Variants in SMC3 observed in about 807,000 individuals in gnomAD.
SMC3 encodes structural maintenance of chromosomes 3.
In SMC3, 20 loss-of-function variants were observed where a neutral mutation model predicts 171.8. The ratio of observed to expected loss-of-function variants is 0.12; its 90% CI spans 0.08 to 0.17. The LOEUF (loss-of-function observed/expected upper bound fraction) is 0.17. SMC3 is among the 10% of genes least tolerant of loss of function. The probability of loss-of-function intolerance (pLI) is 1.00; values close to 1 mark genes in which losing one functional copy is unlikely to be tolerated. For missense variants in SMC3, 543 were observed against 1,420.4 expected (o/e 0.38, Z 9.93); for synonymous variants, 464 against 451.1 (o/e 1.03, Z -0.36).
At chr10:110,596,862 G>GA (rs2134745859) in intron 19 of SMC3, among the ~76,000 whole-genome samples, 1 of 145,694 alleles carries the variant, frequency 6.9e-6, no homozygotes, top group Non-Finnish European at 1.5e-5. Flanking sequence ...AACCTTGGTA[G>GA]TTTTTTTTTT....
At chr10:110,593,630 A>G (rs1245866346) in intron 18 of SMC3, among the ~76,000 whole-genome samples, 1 of 152,048 alleles carries the variant, frequency 6.6e-6, no homozygotes, top group African/African-American at 2.4e-5. Flanking sequence ...TGCATGTCTG[A>G]TTAATATATC....
At chr10:110,577,523 A>G in intron 5 of SMC3, 31 bp downstream of exon 5, 1 of 1,442,878 alleles carries the variant, frequency 6.9e-7, no homozygotes, top group African/African-American at 1.4e-5. Context: ...AGTAATGTTG[A>G]GAATTTAATT....
chr10:110,575,757 G>C (rs1372613974), intron 4 of SMC3, among the ~76,000 whole-genome samples: 2 of 152,116 alleles, frequency 1.3e-5, no homozygotes, highest in African/African-American at 4.8e-5. Flanking sequence ...TTATGTGATG[G>C]TTAGGAGAAA....
intron 20 of SMC3, among the ~76,000 whole-genome samples, chr10:110,599,303 G>C (rs1861350702): frequency 1.3e-5 from 2 of 152,030 alleles, no homozygotes; most frequent in South Asian, 2.1e-4. Flanking sequence ...CACCATGTTG[G>C]CCAGGCTCGT....
intron 21 of SMC3, 128 bp from the exon 22 acceptor site, chr10:110,600,311 G>T: frequency 1.5e-6 from 1 of 659,840 alleles, no homozygotes; most frequent in East Asian, 2.6e-5. Flanking sequence ...GGGCTTTTTT[G>T]AAGAATATAA....
intron 15 of SMC3, 35 bp downstream of exon 15, chr10:110,590,026 T>G (rs956724258): frequency 6.5e-7 from 1 of 1,529,698 alleles, no homozygotes; most frequent in Non-Finnish European, 9.1e-7. Flanking sequence ...CTGTTTACAC[T>G]GAGTCATTGA....
chr10:110,568,015 G>T (rs529330484), intron 1 of SMC3, among the ~76,000 whole-genome samples, 184 bp downstream of exon 1: 2 of 152,362 alleles, frequency 1.3e-5, no homozygotes, highest in South Asian at 4.1e-4. Context: ...GGGTCGCGGA[G>T]AATTGGGGCA....
chr10:110,587,133 A>G (rs544870586), intron 13 of SMC3, among the ~76,000 whole-genome samples: 5 of 152,286 alleles, frequency 3.3e-5, no homozygotes, highest in Admixed American at 1.3e-4. Context: ...AGACTTTTCT[A>G]ACTTATGTCA....
At chr10:110,575,937 A>G (rs988375054) in intron 4 of SMC3, among the ~76,000 whole-genome samples, 3 of 152,314 alleles carry the variant, frequency 2.0e-5, no homozygotes, top group South Asian at 2.1e-4. Flanking sequence ...TAGAGAAACA[A>G]CCATTGCAAA....
intron 10 of SMC3, 94 bp from the exon 11 acceptor site, chr10:110,583,290 A>G (rs1861060014): frequency 1.5e-5 from 15 of 977,158 alleles, no homozygotes; most frequent in Non-Finnish European, 2.4e-5. Flanking sequence ...AGGACAGAGT[A>G]TTACTAAACA....
chr10:110,590,628 AAAC>A (rs1861192020), intron 16 of SMC3, 56 bp downstream of exon 16: 1 of 1,489,374 alleles, frequency 6.7e-7, no homozygotes, highest in African/African-American at 1.4e-5. Flanking sequence ...AGAATAGCTT[AAAC>A]AACTTTTGTA....
rs943490030 is a variant in SMC3 at position 110,586,220 on chromosome 10, TAAAG to T, written c.1305+1828_1305+1831del. ...TTTGTACTCATATTCTCACTTTACA[TAAAG>T]AAAAAAATATATAGTGGGGAGAAAA... On this transcript the variant is annotated intron_variant, in intron 13 of 28. Transcript: ENST00000361804. 2.6e-5 allele frequency among the ~76,000 whole-genome samples: 4 copies of T among 152,088 alleles called. No homozygotes were observed. The South Asian group carries it at 6.2e-4, about 24-fold the overall frequency.
At chr10:110,592,847 CTT>C (rs1861229764) in intron 17 of SMC3, among the ~76,000 whole-genome samples, 1 of 152,170 alleles carries the variant, frequency 6.6e-6, no homozygotes. Context: ...CCACTAAACT[CTT>C]TAGCACTATT....
intron 15 of SMC3, 52 bp downstream of exon 15, chr10:110,590,043 C>T (rs187009599): frequency 3.4e-6 from 5 of 1,486,062 alleles, no homozygotes; most frequent in Admixed American, 1.7e-5. Context: ...TTGAGTTAAT[C>T]GTTATGTAAT....
chr10:110,579,566 C>A (rs2134721488), intron 7 of SMC3, among the ~76,000 whole-genome samples: 1 of 152,236 alleles, frequency 6.6e-6, no homozygotes, highest in Middle Eastern at 3.4e-3. Context: ...TTTCCTTAAT[C>A]TGTTTTATTT....
In SMC3 at chr10:110,600,472, T is replaced by C; in HGVS notation, c.2461T>C (p.Leu821=). 1 of 1,590,348 alleles carries C rather than the reference T, an allele frequency of 6.3e-7. No homozygotes were observed. Among genetic ancestry groups the C allele is most frequent in the South Asian group, 1.1e-5 (1 of 90,606 alleles). Residue 821 remains leucine (L), a synonymous_variant, in exon 22 of 29, where the codon TTA becomes CTA. Coordinates refer to ENST00000361804, the MANE Select transcript of SMC3 (RefSeq NM_005445.4). The part of the protein sequence containing the change: ...NRQLLNERIK[L]EGIITRVETY... ...ACAGTTGCTAAATGAAAGAATTAAA[T>C]TAGAAGGTATTATTACTCGAGTAGA...
At chr10:110,570,354 T>G (rs1590547339) in intron 2 of SMC3, among the ~76,000 whole-genome samples, 1 of 152,356 alleles carries the variant, frequency 6.6e-6, no homozygotes, top group East Asian at 1.9e-4. Flanking sequence ...TTGTATAAAA[T>G]GATAAAATTG....
chr10:110,567,732 G>T lies in SMC3; in HGVS notation c.-85G>T. ...GGAGCGAGCGGCGCTTTGGGGGAGGGGTCGCGTAGGCGCCTCACCTGACCC... is the reference window on the plus strand; with the variant it reads ...GGAGCGAGCGGCGCTTTGGGGGAGGTGTCGCGTAGGCGCCTCACCTGACCC... On this transcript the variant is annotated 5_prime_UTR_variant, in exon 1 of 29. Coordinates refer to ENST00000361804, the MANE Select transcript of SMC3 (RefSeq NM_005445.4). The T allele has an allele frequency of 1.3e-6, 2 of 1,528,120 alleles. No homozygotes were observed. The highest frequency in any genetic ancestry group is 1.8e-6 in the Non-Finnish European group (2 of 1,106,168). The allele number at this position is 1,528,120 out of a possible 1,614,324, so 94.7% of individuals were successfully genotyped here. A position where few individuals can be genotyped will look rare whatever the true frequency, so the allele number is the denominator to read the frequency against.
chr10:110,603,382 CTT>C (rs2134754745), intron 28 of SMC3, 92 bp downstream of exon 28: 3 of 820,498 alleles, frequency 3.7e-6, no homozygotes, highest in Non-Finnish European at 6.0e-6. Context: ...TGAAAGAAAA[CTT>C]AGAAAGTCTT....
Sources: allele counts gnomAD v4.1 joint callset (sites outside exome capture counted in the v4.1 genomes callset), GRCh38; gene constraint gnomAD v4.1.1; transcripts MANE v1.5; gene names NCBI Gene and HGNC (gene_info 2026-07-23, HGNC 2026-07-21).